C12orf42: variants seen among roughly 807,000 people sequenced by gnomAD.
The protein encoded by C12orf42 is chromosome 12 open reading frame 42.
C12orf42 carries 25 observed loss-of-function variants against 21.6 expected under a neutral mutation model. The ratio of observed to expected loss-of-function variants is 1.16; its 90% CI spans 0.84 to 1.62. The LOEUF is 1.62. Ranked by LOEUF, C12orf42 falls within the 40% of genes most tolerant of loss-of-function variation. The pLI, the probability that C12orf42 is intolerant of heterozygous loss-of-function variation, is 0.00. For missense variants in C12orf42, 483 were observed against 459.3 expected, an observed-to-expected ratio of 1.05 and a Z score of -0.47; for synonymous variants, 174 against 175.0, an observed-to-expected ratio of 0.99 and a Z score of 0.05.
chr12:103,478,724 T>A (rs1421820924), intron 1 of C12orf42, among the ~76,000 whole-genome samples: 1 of 151,962 alleles, frequency 6.6e-6, no homozygotes, highest in African/African-American at 2.4e-5. Flanking sequence ...TTCTTGATCA[T>A]CTATTGCAAG....
At chr12:103,464,642 T>C (rs1952979835) in intron 2 of C12orf42, among the ~76,000 whole-genome samples, 1 of 152,226 alleles carries the variant, frequency 6.6e-6, no homozygotes, top group Non-Finnish European at 1.5e-5. Flanking sequence ...TCTTTGCCAG[T>C]GCCTATGTCC....
At chr12:103,275,260 G>A (rs2035698995) in intron 5 of C12orf42, among the ~76,000 whole-genome samples, 2 of 152,008 alleles carry the variant, frequency 1.3e-5, no homozygotes, top group African/African-American at 4.8e-5. Context: ...CAGGTTGATA[G>A]AATTAGTAAA....
At chr12:103,219,897 A>T in the C12orf42 span, among the ~76,000 whole-genome samples, 3 of 152,228 alleles carry the variant, frequency 2.0e-5, no homozygotes, top group Non-Finnish European at 4.4e-5. Context: ...TTGACCCAGC[A>T]ATCCCATTAC....
rs1403964707 is a variant in C12orf42 at position 103,302,504 on chromosome 12, G to A, written c.687C>T (p.Pro229=). ...AIGLCRRSQT[P]GALQSTGPSN... ...TCGGGCCGGTGCTCTGCAGAGCGCC[G>A]GGCGTCTGGCTCCTCCTGCAGAGGC... The change falls in exon 6 of 6, where the codon CCC becomes CCT. Residue 229 remains proline, a synonymous_variant. Coordinates refer to ENST00000548883, the MANE Select transcript of C12orf42 (RefSeq NM_198521.5). 3 of 1,613,064 alleles carry A rather than the reference G, an allele frequency of 1.9e-6. No individual in the cohort carries two copies. The highest frequency in any genetic ancestry group is 2.5e-6 in the Non-Finnish European group (3 of 1,179,794).
At chr12:103,241,911 T>C (rs1302306942) in intron 10 of C12orf42, among the ~76,000 whole-genome samples, 2 of 152,178 alleles carry the variant, frequency 1.3e-5, no homozygotes, top group African/African-American at 2.4e-5. Flanking sequence ...AAAATAAATG[T>C]ATAGGCACTA....
At chr12:103,505,770 T>C in the C12orf42 span, among the ~76,000 whole-genome samples, 1 of 152,190 alleles carries the variant, frequency 6.6e-6, no homozygotes. Context: ...GATCACGTGA[T>C]GGTGGGAAAT....
intron 4 of C12orf42, among the ~76,000 whole-genome samples, chr12:103,350,299 G>A (rs779787582): frequency 6.6e-6 from 1 of 152,082 alleles, no homozygotes; most frequent in African/African-American, 2.4e-5. Context: ...TTGCTCCATC[G>A]CACCTGAGAG....
At chr12:103,188,765 G>A in the C12orf42 span, among the ~76,000 whole-genome samples, 2 of 152,308 alleles carry the variant, frequency 1.3e-5, no homozygotes, top group East Asian at 1.9e-4. Flanking sequence ...ATGATTGTAA[G>A]CTTTCTGAAA....
intron 3 of C12orf42, among the ~76,000 whole-genome samples, chr12:103,400,597 A>G (rs1043640581): frequency 1.3e-5 from 2 of 152,224 alleles, no homozygotes; most frequent in Admixed American, 6.5e-5. Context: ...TAAGAACAGT[A>G]AGAAAACCAG....
chr12:103,224,705 G>A, the C12orf42 span, among the ~76,000 whole-genome samples: 1 of 152,052 alleles, frequency 6.6e-6, no homozygotes, highest in Non-Finnish European at 1.5e-5. Context: ...TGTAGAGAGT[G>A]AGTTGAGCAT....
the C12orf42 span, among the ~76,000 whole-genome samples, chr12:103,147,569 T>A: frequency 2.0e-5 from 3 of 149,726 alleles, no homozygotes; most frequent in East Asian, 5.8e-4. Context: ...CTGGTTGTTA[T>A]TGTGTCTCAG....
At chr12:103,497,906 G>A (rs527526250), upstream of C12orf42, among the ~76,000 whole-genome samples, 14 of 152,100 alleles carry the variant, frequency 9.2e-5, no homozygotes, top group African/African-American at 2.2e-4. Flanking sequence ...GTGGTGGCAC[G>A]CGCCCATAGT....
intron 2 of C12orf42, among the ~76,000 whole-genome samples, chr12:103,440,457 CAAAAAAAA>C: frequency 1.3e-4 from 9 of 69,698 alleles, no homozygotes; most frequent in African/African-American, 2.4e-4. Flanking sequence ...TCACAGATAC[CAAAAAAAA>C]AAAAAAAAAA....
chr12:103,255,422 AAATG>A (rs1464807756), intron 10 of C12orf42, among the ~76,000 whole-genome samples: 3 of 152,174 alleles, frequency 2.0e-5, no homozygotes, highest in Non-Finnish European at 2.9e-5. Flanking sequence ...ATGCATAATT[AAATG>A]AATGGCGTGT....
chr12:103,230,106 A>C, the C12orf42 span, among the ~76,000 whole-genome samples: 4 of 152,244 alleles, frequency 2.6e-5, no homozygotes, highest in Non-Finnish European at 5.9e-5. Context: ...TTAAATTATT[A>C]AACATATTGG....
chr12:103,222,770 C>T, the C12orf42 span, among the ~76,000 whole-genome samples: 1 of 151,874 alleles, frequency 6.6e-6, no homozygotes, highest in Non-Finnish European at 1.5e-5. Context: ...TTTCTCCTAT[C>T]TCTGTATGGA....
At chr12:103,118,626 G>C in the C12orf42 span, among the ~76,000 whole-genome samples, 1 of 151,724 alleles carries the variant, frequency 6.6e-6, no homozygotes, top group Non-Finnish European at 1.5e-5. Context: ...GTGAAACCCC[G>C]TCTCTACTAA....
intron 10 of C12orf42, among the ~76,000 whole-genome samples, chr12:103,241,781 C>T (rs2136169486): frequency 6.6e-6 from 1 of 152,266 alleles, no homozygotes; most frequent in African/African-American, 2.4e-5. Flanking sequence ...CATGGCTTCT[C>T]CCCACCTCTT....
the C12orf42 span, among the ~76,000 whole-genome samples, chr12:103,088,886 G>T: frequency 3.1e-3 from 473 of 152,124 alleles, 2 homozygotes; most frequent in African/African-American, 9.9e-3. Context: ...GCCAGATCAC[G>T]AGGTCAGGAG....
Sources: gnomAD v4.1 joint callset for allele counts (sites outside exome capture counted in the v4.1 genomes callset) on GRCh38, gnomAD v4.1.1 for gene constraint, MANE v1.5 for transcripts, NCBI Gene and HGNC (gene_info 2026-07-23, HGNC 2026-07-21) for gene names.